The following CNOT2 variants were observed in gnomAD, a reference collection of about 807,000 sequenced individuals.
CNOT2 encodes the protein CCR4-NOT transcription complex subunit 2.
A neutral mutation model predicts 72.1 loss-of-function variants in CNOT2; 7 were observed. The observed-to-expected ratio is 0.10, with a 90% CI of 0.06 to 0.18. CNOT2 has a LOEUF of 0.18. Among genes scored for constraint, CNOT2 ranks in the 10% least tolerant of loss-of-function variants. The pLI is 1.00. For synonymous variants in CNOT2, 196 were observed against 225.6 expected (o/e 0.87, Z 1.17); for missense variants, 345 against 660.3 (o/e 0.52, Z 5.23).
chr12:70,317,340 C>T (rs1370379139), intron 3 of CNOT2, among the ~76,000 whole-genome samples: 1 of 151,918 alleles, frequency 6.6e-6, no homozygotes, highest in African/African-American at 2.4e-5. Flanking sequence ...GTGCCATAAA[C>T]CTTTTACCTT....
chr12:70,275,436 C>T (rs568087340), intron 1 of CNOT2, among the ~76,000 whole-genome samples: 2 of 152,062 alleles, frequency 1.3e-5, no homozygotes, highest in Non-Finnish European at 2.9e-5. Context: ...AGTTTCCCCT[C>T]CTTGTGCTTC....
chr12:70,310,755 A>T, intron 2 of CNOT2, 140 bp from the exon 3 acceptor site: 1 of 595,838 alleles, frequency 1.7e-6, no homozygotes, highest in Non-Finnish European at 2.9e-6. Context: ...TGACTTTATC[A>T]CATGCGCCAC....
chr12:70,300,301 A>G (rs12308423), intron 2 of CNOT2, among the ~76,000 whole-genome samples: 2,038 of 152,270 alleles, frequency 0.013, 44 homozygotes, highest in African/African-American at 0.046. Context: ...GCCCATGCCT[A>G]TGTCCTGAAT....
At chr12:70,247,585 T>C (rs181002278) in intron 1 of CNOT2, among the ~76,000 whole-genome samples, 1 of 152,346 alleles carries the variant, frequency 6.6e-6, no homozygotes, top group Admixed American at 6.5e-5. Flanking sequence ...TGGTATCACT[T>C]TCTTCATAAA....
intron 1 of CNOT2, among the ~76,000 whole-genome samples, chr12:70,261,449 G>A (rs2135738328): frequency 6.6e-6 from 1 of 150,764 alleles, no homozygotes; most frequent in African/African-American, 2.4e-5. Flanking sequence ...TGAGTAGCTG[G>A]GACTACAGGC....
At chr12:70,335,250 G>C (rs1440147877) in intron 7 of CNOT2, 188 bp from the exon 8 acceptor site, 5 of 468,588 alleles carry the variant, frequency 1.1e-5, no homozygotes, top group Non-Finnish European at 1.5e-5. Context: ...TTGCTAAATT[G>C]TTCATGGAAT....
At chr12:70,328,665 A>C (rs1229902674) in intron 4 of CNOT2, among the ~76,000 whole-genome samples, 1 of 151,622 alleles carries the variant, frequency 6.6e-6, no homozygotes, top group African/African-American at 2.4e-5. Context: ...GTTTATCCAC[A>C]GTGGTTTTGT....
chr12:70,303,585 A>C (rs1267014475), intron 2 of CNOT2, among the ~76,000 whole-genome samples: 1 of 152,188 alleles, frequency 6.6e-6, no homozygotes, highest in African/African-American at 2.4e-5. Context: ...CCGAGAGATC[A>C]GCTTTTAGTC....
At chr12:70,319,562 A>T (rs1331883445) in intron 4 of CNOT2, among the ~76,000 whole-genome samples, 198 bp downstream of exon 4, 1 of 151,814 alleles carries the variant, frequency 6.6e-6, no homozygotes, top group African/African-American at 2.4e-5. Flanking sequence ...GGTTGCTATT[A>T]CTTGGATATA....
intron 2 of CNOT2, among the ~76,000 whole-genome samples, chr12:70,309,724 T>G (rs1876121171): frequency 6.6e-6 from 1 of 152,134 alleles, no homozygotes; most frequent in Admixed American, 6.5e-5. Flanking sequence ...CTTTAAAATC[T>G]CTTTTCTCAT....
chr12:70,315,127 G>A (rs12303433), intron 3 of CNOT2, among the ~76,000 whole-genome samples: 2,037 of 152,202 alleles, frequency 0.013, 46 homozygotes, highest in African/African-American at 0.046. Context: ...GCCTCCCAAA[G>A]TGCTGGGATT....
At chr12:70,329,854 T>C (rs958667452) in intron 5 of CNOT2, among the ~76,000 whole-genome samples, 1 of 152,030 alleles carries the variant, frequency 6.6e-6, no homozygotes, top group African/African-American at 2.4e-5. Flanking sequence ...CAAAGGAATA[T>C]GTGCAATTTA....
chr12:70,321,353 C>T (rs936696242), intron 4 of CNOT2, among the ~76,000 whole-genome samples: 4 of 151,674 alleles, frequency 2.6e-5, no homozygotes, highest in African/African-American at 4.8e-5. Flanking sequence ...AGGACAGACC[C>T]GAGAAGGCCA....
At chr12:70,261,571 C>T (rs1593056480) in intron 1 of CNOT2, among the ~76,000 whole-genome samples, 1 of 152,028 alleles carries the variant, frequency 6.6e-6, no homozygotes, top group East Asian at 1.9e-4. Context: ...CTGCCTCAGC[C>T]TCCCAAAGTG....
At position 70,335,495 on chromosome 12, in the gene CNOT2, G is replaced by A. The variant is rs762668312; in HGVS notation, c.707G>A (p.Arg236Gln). Residue 236 changes from arginine to glutamine, a missense_variant, in exon 8 of 16, where the codon CGA becomes CAA. Arg to Gln is a conservative substitution (Grantham distance 43, BLOSUM62 1). This residue lies in a region of CNOT2 where 128 missense variants were observed against 233.0 expected (regional missense o/e 0.55). Transcript: ENST00000229195. ...TCAGATTTCCCAGCATTAGCAGACC[G>A]AAACAGGAGGGAAGGAAGTGGTAAC... Reference protein sequence around the residue: ...DLSDFPALADRNRREGSGNPT... With the variant: ...DLSDFPALADQNRREGSGNPT... 3.7e-6 allele frequency: 6 copies of A among 1,606,172 alleles called. No individual in the cohort carries two copies. The highest frequency in any genetic ancestry group is 1.3e-5 in the African/African-American group (1 of 74,654).
intron 2 of CNOT2, among the ~76,000 whole-genome samples, chr12:70,284,242 A>G (rs1593121460): frequency 7.0e-6 from 1 of 143,752 alleles, no homozygotes; most frequent in Non-Finnish European, 1.5e-5. Flanking sequence ...CACTATGCCC[A>G]GCTTTTTTTT....
intron 1 of CNOT2, among the ~76,000 whole-genome samples, chr12:70,255,970 A>G (rs761813880): frequency 6.6e-6 from 1 of 152,158 alleles, no homozygotes; most frequent in African/African-American, 2.4e-5. Flanking sequence ...CAAAATACTC[A>G]GGCATCAGAT....
chr12:70,342,795 ATGG>A (rs1263880132), intron 13 of CNOT2, among the ~76,000 whole-genome samples: 1 of 152,178 alleles, frequency 6.6e-6, no homozygotes, highest in Non-Finnish European at 1.5e-5. Context: ...AAGAAAGAAA[ATGG>A]TGGCACTTTT....
chr12:70,308,207 T>TA (rs935729308), intron 2 of CNOT2, among the ~76,000 whole-genome samples: 1 of 152,214 alleles, frequency 6.6e-6, no homozygotes, highest in African/African-American at 2.4e-5. Flanking sequence ...TATTTTTAAA[T>TA]ACTTCCTACC....
Sources: gnomAD v4.1 joint callset for allele counts (sites outside exome capture counted in the v4.1 genomes callset) on GRCh38, gnomAD v4.1.1 for gene constraint, gnomAD v4.1.1 regional missense constraint, MANE v1.5 for transcripts, NCBI Gene and HGNC (gene_info 2026-07-23, HGNC 2026-07-21) for gene names.